Variants in ENTREP2 observed in about 807,000 individuals in gnomAD.
ENTREP2 encodes the protein endosomal transmembrane epsin interactor 2.
chr15:29,291,902 T>G, the ENTREP2 span, among the ~76,000 whole-genome samples: 9 of 152,032 alleles, frequency 5.9e-5, no homozygotes, highest in African/African-American at 2.2e-4. Context: ...AAATATCAGT[T>G]CAAAGAACAA....
At chr15:29,183,708 A>G in the ENTREP2 span, among the ~76,000 whole-genome samples, 1 of 152,178 alleles carries the variant, frequency 6.6e-6, no homozygotes, top group Non-Finnish European at 1.5e-5. Context: ...ACTTTGATGT[A>G]AAGTTTCAGT....
the ENTREP2 span, among the ~76,000 whole-genome samples, chr15:29,642,488 T>C: frequency 1.4e-5 from 2 of 142,090 alleles, no homozygotes; most frequent in Admixed American, 7.2e-5. Context: ...TACACATATA[T>C]ACATATATAC....
At chr15:29,514,191 G>A in the ENTREP2 span, among the ~76,000 whole-genome samples, 1 of 152,132 alleles carries the variant, frequency 6.6e-6, no homozygotes. Flanking sequence ...TCTTCACCTT[G>A]CAAAACTGAA....
the ENTREP2 span, among the ~76,000 whole-genome samples, chr15:29,653,009 G>T: frequency 6.6e-6 from 1 of 152,152 alleles, no homozygotes; most frequent in South Asian, 2.1e-4. Flanking sequence ...CTTAATAACA[G>T]ACATCAGTAA....
At chr15:29,319,266 G>T in the ENTREP2 span, among the ~76,000 whole-genome samples, 2 of 152,206 alleles carry the variant, frequency 1.3e-5, no homozygotes, top group African/African-American at 2.4e-5. Flanking sequence ...GAGACCAGTG[G>T]AGAGAAAGAG....
the ENTREP2 span, among the ~76,000 whole-genome samples, chr15:29,487,045 A>T: frequency 0.013 from 2,036 of 152,300 alleles, 44 homozygotes; most frequent in African/African-American, 0.047. Context: ...AGGATTTTCA[A>T]TGTTCACAAC....
the ENTREP2 span, among the ~76,000 whole-genome samples, chr15:29,674,223 A>C: frequency 6.6e-6 from 1 of 151,348 alleles, no homozygotes; most frequent in Non-Finnish European, 1.5e-5. Context: ...CAGAAGCAGC[A>C]AACGCTCCAC....
the ENTREP2 span, among the ~76,000 whole-genome samples, chr15:29,182,027 A>C: frequency 2.6e-5 from 4 of 152,190 alleles, no homozygotes; most frequent in African/African-American, 9.7e-5. Context: ...AAGAAACAAA[A>C]CTGTCGTTAT....
the ENTREP2 span, among the ~76,000 whole-genome samples, chr15:29,354,642 C>A: frequency 3.1e-3 from 469 of 152,070 alleles, 2 homozygotes; most frequent in African/African-American, 0.011. Context: ...CGGTGATAAA[C>A]AGACACTGTC....
chr15:29,386,012 C>T, the ENTREP2 span, among the ~76,000 whole-genome samples: 2,352 of 151,898 alleles, frequency 0.015, 61 homozygotes, highest in African/African-American at 0.053. Context: ...AGCCACTGGC[C>T]GGCCTGACTC....
chr15:29,413,424 A>C, the ENTREP2 span, among the ~76,000 whole-genome samples: 2 of 152,170 alleles, frequency 1.3e-5, no homozygotes, highest in African/African-American at 4.8e-5. Context: ...CAGTGGTTTA[A>C]TCAAAAGTAT....
chr15:29,228,263 G>A, the ENTREP2 span, among the ~76,000 whole-genome samples: 23 of 152,256 alleles, frequency 1.5e-4, no homozygotes, highest in African/African-American at 5.5e-4. Context: ...AGGTTGCAGT[G>A]AGCCAAGATC....
the ENTREP2 span, among the ~76,000 whole-genome samples, chr15:29,407,668 C>T: frequency 6.7e-6 from 1 of 149,240 alleles, no homozygotes; most frequent in African/African-American, 2.5e-5. Context: ...GGTTTGCTCC[C>T]CATTTTTTTG....
the ENTREP2 span, chr15:29,265,132 A>T: frequency 6.6e-6 from 1 of 152,174 alleles, no homozygotes; most frequent in African/African-American, 2.4e-5. Context: ...AATAAAAGGT[A>T]TTTATAGGGG....
the ENTREP2 span, among the ~76,000 whole-genome samples, chr15:29,241,746 T>A: frequency 6.6e-6 from 1 of 152,204 alleles, no homozygotes; most frequent in Non-Finnish European, 1.5e-5. Flanking sequence ...CAGAATGAAT[T>A]GAAATAACTG....
the ENTREP2 span, among the ~76,000 whole-genome samples, chr15:29,637,149 T>C: frequency 6.6e-6 from 1 of 152,318 alleles, no homozygotes; most frequent in South Asian, 2.1e-4. Context: ...TCAGATGCTG[T>C]TGGCCTCTTC....
At chr15:29,356,283 TATATATATA>T in the ENTREP2 span, among the ~76,000 whole-genome samples, 1 of 53,890 alleles carries the variant, frequency 1.9e-5, no homozygotes, top group African/African-American at 9.9e-5. Context: ...TATATATATA[TATATATATA>T]TATATTTTTT....
At chr15:29,400,924 T>C in the ENTREP2 span, among the ~76,000 whole-genome samples, 1 of 152,194 alleles carries the variant, frequency 6.6e-6, no homozygotes, top group Non-Finnish European at 1.5e-5. Context: ...ATATGCCTGG[T>C]GGTGAGTGGA....
At chr15:29,142,418 A>G in the ENTREP2 span, among the ~76,000 whole-genome samples, 1 of 152,226 alleles carries the variant, frequency 6.6e-6, no homozygotes, top group Admixed American at 6.5e-5. Flanking sequence ...GATAAGTAGC[A>G]CCTACTGTCC....
Sources: gnomAD v4.1 joint callset for allele counts (sites outside exome capture counted in the v4.1 genomes callset) on GRCh38, gnomAD v4.1.1 for gene constraint, MANE v1.5 for transcripts, NCBI Gene and HGNC (gene_info 2026-07-23, HGNC 2026-07-21) for gene names.